RAP1B: variants seen among roughly 807,000 people sequenced by gnomAD.
RAP1B encodes the protein ras-related protein Rap-1b.
RAP1B carries 1 observed loss-of-function variant against 27.5 expected under a neutral mutation model. The ratio of observed to expected loss-of-function variants is 0.04; its 90% CI spans 0.01 to 0.17. The LOEUF (loss-of-function observed/expected upper bound fraction) is 0.17. Ranked by LOEUF, RAP1B falls within the 10% of genes least tolerant of loss-of-function variation. The probability of loss-of-function intolerance (pLI) is 1.00; values close to 1 mark genes in which losing one functional copy is unlikely to be tolerated. For synonymous variants in RAP1B, 75 were observed against 73.1 expected (o/e 1.03, Z -0.13); for missense variants, 84 against 214.8 (o/e 0.39, Z 3.81).
intron 1 of RAP1B, among the ~76,000 whole-genome samples, chr12:68,614,908 C>T (rs1351569063): frequency 6.6e-6 from 1 of 152,132 alleles, no homozygotes; most frequent in African/African-American, 2.4e-5. Context: ...GCAGTAGCTA[C>T]AAAGAATAGA....
chr12:68,616,294 GT>G (rs1029189117), intron 1 of RAP1B, among the ~76,000 whole-genome samples: 1 of 139,302 alleles, frequency 7.2e-6, no homozygotes, highest in Non-Finnish European at 1.6e-5. Flanking sequence ...TTTGTTTTTT[GT>G]TTTTTTTGAG....
Position 68,668,183 on chromosome 12 carries a change from G to A in RAP1B, c.*8934G>A, listed in dbSNP as rs1874929443. 1 of 152,228 alleles carries A rather than the reference G, an allele frequency of 6.6e-6. No individual in the cohort carries two copies. Among genetic ancestry groups the A allele is most frequent in the South Asian group, 2.1e-4 (1 of 4,832 alleles). The allele number at this position is 152,228 out of a possible 1,614,324, so 9.4% of individuals were successfully genotyped here. ...CCCGTCAAGGCTTTTGTTCAAGGGA[G>A]AGTAAAGAGGATAGGTCTCAGTATG... On this transcript the variant is annotated 3_prime_UTR_variant, in exon 8 of 8. Coordinates refer to ENST00000250559, the MANE Select transcript of RAP1B (RefSeq NM_001010942.3).
chr12:68,655,643 C>G (rs564489768), intron 5 of RAP1B, among the ~76,000 whole-genome samples: 1 of 149,244 alleles, frequency 6.7e-6, no homozygotes, highest in East Asian at 2.0e-4. Context: ...TCAAGCAATT[C>G]TCCTGTGTCA....
intron 1 of RAP1B, among the ~76,000 whole-genome samples, chr12:68,629,231 A>C (rs1872058426): frequency 6.6e-6 from 1 of 152,122 alleles, no homozygotes. Flanking sequence ...TACCTACCCC[A>C]GCCTCTCAAA....
intron 1 of RAP1B, among the ~76,000 whole-genome samples, chr12:68,622,643 C>G (rs1338895878): frequency 6.6e-6 from 1 of 152,178 alleles, no homozygotes; most frequent in African/African-American, 2.4e-5. Context: ...CTCTGTAGTT[C>G]TTAATCATAA....
chr12:68,625,238 C>G (rs1330509572), intron 1 of RAP1B, among the ~76,000 whole-genome samples: 1 of 152,098 alleles, frequency 6.6e-6, no homozygotes, highest in Non-Finnish European at 1.5e-5. Context: ...GTGTGGTGTG[C>G]CTTTCATTTT....
rs1874791170 is a variant in RAP1B at position 68,665,060 on chromosome 12, A to T, written c.*5811A>T. The T allele has an allele frequency of 6.6e-6, 1 of 152,158 alleles. No individual in the cohort carries two copies. Among genetic ancestry groups the T allele is most frequent in the African/African-American group, 2.4e-5 (1 of 41,438 alleles). 9.4% of individuals were successfully genotyped at this position (152,158 alleles called of 1,614,324 possible). ...TCCCAGCTGCTTGGGAGGCTGAGGT[A>T]GGAGGAACTCTTGAGCTCCGGTGGT... On this transcript the variant is annotated 3_prime_UTR_variant, in exon 8 of 8. Transcript: ENST00000250559.
intron 1 of RAP1B, chr12:68,642,648 G>T: frequency 9.0e-7 from 1 of 1,107,826 alleles, no homozygotes; most frequent in Non-Finnish European, 1.4e-6. Flanking sequence ...TTCTCCATCT[G>T]TTTCTCATAT....
At chr12:68,657,364 CTT>C (rs1047517403) in intron 7 of RAP1B, 147 bp downstream of exon 7, 2 of 517,794 alleles carry the variant, frequency 3.9e-6, no homozygotes, top group Non-Finnish European at 7.0e-6. Context: ...AGTATGCTAT[CTT>C]ATTAATTATT....
At chr12:68,628,988 C>G (rs7968931) in intron 1 of RAP1B, among the ~76,000 whole-genome samples, 9,435 of 151,412 alleles carry the variant, frequency 0.062, 734 homozygotes, top group African/African-American at 0.19. Flanking sequence ...TCCTTTATCT[C>G]TTTTTATTTA....
At chr12:68,625,376 A>T (rs1243199410) in intron 1 of RAP1B, among the ~76,000 whole-genome samples, 1 of 152,250 alleles carries the variant, frequency 6.6e-6, no homozygotes, top group Non-Finnish European at 1.5e-5. Flanking sequence ...TGCATAAGCC[A>T]GTGCGTGCGT....
rs143501717 is a variant in RAP1B, at chr12:68,644,619, G to A, written c.-26-4080G>A. ...GTCGAGCAGTGATTCTCAACTGAAG[G>A]AATAGCAGTCCTCTTTAGTGTACTG... On this transcript the variant is annotated intron_variant, in intron 1 of 7. Transcript: ENST00000250559. Among the ~76,000 whole-genome samples, 398 of 150,684 alleles carry A rather than the reference G, an allele frequency of 2.6e-3. 4 individuals are homozygous for A. The highest frequency in any genetic ancestry group is 9.2e-3 in the African/African-American group (377 of 40,976).
chr12:68,630,216 A>G (rs906127665), intron 1 of RAP1B, among the ~76,000 whole-genome samples: 3 of 152,212 alleles, frequency 2.0e-5, no homozygotes, highest in Non-Finnish European at 2.9e-5. Flanking sequence ...TCTAGCCTAT[A>G]GTGCAAGTGT....
rs573880531 is a variant in RAP1B at position 68,667,733 on chromosome 12, C to G, written c.*8484C>G. 6 of 152,342 alleles carry G rather than the reference C, an allele frequency of 3.9e-5. No homozygotes were observed. Among genetic ancestry groups the G allele is most frequent in the African/African-American group, 1.4e-4 (6 of 41,578 alleles). The allele number at this position is 152,342 out of a possible 1,614,324, so 9.4% of individuals were successfully genotyped here. On this transcript the variant is annotated 3_prime_UTR_variant, in exon 8 of 8. Coordinates refer to ENST00000250559, the MANE Select transcript of RAP1B (RefSeq NM_001010942.3). ...GTGGAAAAAGTTCTCACTTCACTTA[C>G]TCATTCCTTTGCATTTTCCAACTTT... is the stretch of plus-strand genomic sequence containing the variant.
At position 68,671,465 on chromosome 12, in the gene RAP1B, ACATTATGCATT is replaced by A. The variant is rs1030357748; in HGVS notation, c.*12221_*12231del. 5 of 152,226 alleles carry A rather than the reference ACATTATGCATT, an allele frequency of 3.3e-5. No homozygotes were observed. The highest frequency in any genetic ancestry group is 7.3e-5 in the Non-Finnish European group (5 of 68,042). The allele number at this position is 152,226 out of a possible 1,614,324, so 9.4% of individuals were successfully genotyped here. A position where few individuals can be genotyped will look rare whatever the true frequency, so the allele number is the denominator to read the frequency against. On this transcript the variant is annotated 3_prime_UTR_variant, in exon 8 of 8. Coordinates refer to ENST00000250559, the MANE Select transcript of RAP1B (RefSeq NM_001010942.3). ...AATTATGATTCATGCATAATATAGA[ACATTATGCATT>A]CATTTAAAAATGAGTTTGATGTTTA... is the stretch of plus-strand genomic sequence containing the variant.
chr12:68,637,410 C>T (rs940608194), intron 1 of RAP1B, among the ~76,000 whole-genome samples: 3 of 151,830 alleles, frequency 2.0e-5, no homozygotes, highest in African/African-American at 7.3e-5. Context: ...TAAGCCTGGC[C>T]ATCATGGTGA....
intron 5 of RAP1B, 92 bp downstream of exon 5, chr12:68,654,344 T>A: frequency 4.5e-6 from 1 of 223,462 alleles, no homozygotes; most frequent in Non-Finnish European, 7.8e-6. Flanking sequence ...AGCTTGTGTA[T>A]TTTGGTTGGG....
intron 1 of RAP1B, among the ~76,000 whole-genome samples, chr12:68,635,321 G>A (rs1039344083): frequency 1.1e-4 from 16 of 152,186 alleles, no homozygotes; most frequent in Non-Finnish European, 2.1e-4. Context: ...ATTTGGGAAT[G>A]AGAAAAGGAC....
chr12:68,627,355 A>G (rs1196715572), intron 1 of RAP1B: 1 of 717,662 alleles, frequency 1.4e-6, no homozygotes, highest in Admixed American at 1.9e-5. Flanking sequence ...AAAGGAACTC[A>G]GTTGGCTTAA....
Sources: gnomAD v4.1 joint callset for allele counts (sites outside exome capture counted in the v4.1 genomes callset) on GRCh38, gnomAD v4.1.1 for gene constraint, MANE v1.5 for transcripts, NCBI Gene and HGNC (gene_info 2026-07-23, HGNC 2026-07-21) for gene names.